The following RUVBL2 variants were observed in gnomAD, a reference collection of about 807,000 sequenced individuals.
RUVBL2 encodes the protein ruvB-like 2.
RUVBL2 carries 9 observed loss-of-function variants against 57.9 expected under a neutral mutation model. The ratio of observed to expected loss-of-function variants is 0.16; its 90% CI spans 0.09 to 0.27. RUVBL2 has a LOEUF of 0.27. Among genes scored for constraint, RUVBL2 ranks in the 10% least tolerant of loss-of-function variants. The probability of loss-of-function intolerance (pLI) is 1.00; values close to 1 mark genes in which losing one functional copy is unlikely to be tolerated. For synonymous variants in RUVBL2, 278 were observed against 264.6 expected (o/e 1.05, Z -0.49); for missense variants, 456 against 669.6 (o/e 0.68, Z 3.52).
At position 49,007,368 on chromosome 19, in the gene RUVBL2, GGTGAGTCTGT is replaced by G. The variant is rs746178104; in HGVS notation, c.462+11_462+20del. On this transcript the variant is annotated splice_donor_variant and splice_donor_5th_base_variant and intron_variant, in intron 6 of 14. Transcript: ENST00000595090. LOFTEE classifies it high-confidence loss of function. ...AGATTGATCGACCAGCAACAGGGACGGTGAGTCTGTGTGAGTCTGTACCCTGCTGAGGCCA... is the reference window on the plus strand; with the variant it reads ...AGATTGATCGACCAGCAACAGGGACGGTGAGTCTGTACCCTGCTGAGGCCA... 2 of 1,613,672 alleles carry G rather than the reference GGTGAGTCTGT, an allele frequency of 1.2e-6. No homozygotes were observed. The highest frequency in any genetic ancestry group is 1.1e-5 in the South Asian group (1 of 90,976).
downstream of RUVBL2, chr19:49,015,981 G>T: frequency 6.2e-7 from 1 of 1,614,230 alleles, no homozygotes; most frequent in Non-Finnish European, 8.5e-7. Flanking sequence ...CCTCCAGAGT[G>T]CGGATTGAGA....
In RUVBL2 at chr19:48,994,081, G is replaced by A; in HGVS notation, c.12+158G>A. The A allele has an allele frequency of 5.9e-6, 4 of 674,988 alleles. 1 individual carries two copies. The South Asian group carries it at 7.5e-5, about 13-fold the overall frequency. 41.8% of individuals were successfully genotyped at this position (674,988 alleles called of 1,614,324 possible). ...GGAGGAAGCTCGGCCACCCAGATCT[G>A]GGGGAGAAGGGGACATGGGGGCTGG... On this transcript the variant is annotated intron_variant, in intron 1 of 14. Transcript: ENST00000595090.
rs116157846 is a variant in RUVBL2 at position 49,007,255 on chromosome 19, G to A, written c.396-47G>A. 2.3e-3 allele frequency: 3,712 copies of A among 1,608,200 alleles called. 43 individuals carry two copies. The highest frequency in any genetic ancestry group is 0.021 in the African/African-American group (1,589 of 74,972). ...GAGCTCATGGAAGGTTGTGATTCCC[G>A]AGGGTCCAGGTGTCAGGCTGTCTCC... On this transcript the variant is annotated intron_variant, in intron 5 of 14. Coordinates refer to ENST00000595090, the MANE Select transcript of RUVBL2 (RefSeq NM_006666.3).
At chr19:49,009,713 G>A (rs1334356786) in intron 6 of RUVBL2, 63 bp from the exon 7 acceptor site, 6 of 1,390,608 alleles carry the variant, frequency 4.3e-6, no homozygotes, top group Non-Finnish European at 6.1e-6. Flanking sequence ...ATCAACACTG[G>A]GGGCACTGGG....
At chr19:49,004,663 C>G (rs561609187) in intron 4 of RUVBL2, among the ~76,000 whole-genome samples, 2 of 152,104 alleles carry the variant, frequency 1.3e-5, no homozygotes, top group African/African-American at 4.8e-5. Flanking sequence ...GTCAAGAGGA[C>G]GCCATGTTCC....
chr19:49,014,410 T>G (rs1013239540), intron 11 of RUVBL2, 74 bp from the exon 12 acceptor site: 4 of 1,542,764 alleles, frequency 2.6e-6, no homozygotes, highest in Non-Finnish European at 3.5e-6. Flanking sequence ...CGATGGGAGG[T>G]GAGAGTGTTC....
intron 11 of RUVBL2, among the ~76,000 whole-genome samples, chr19:49,013,838 C>CGGGAGGCGGAGGTTGCA (rs1316755807): frequency 2.0e-5 from 3 of 152,182 alleles, no homozygotes; most frequent in Non-Finnish European, 4.4e-5. Context: ...CGGTTGAACC[C>CGGGAGGCGGAGGTTGCA]GGGAGGCGGA....
Position 49,007,158 on chromosome 19 carries a change from G to T in RUVBL2, c.395+11G>T. 6.2e-7 allele frequency: 1 copy of T among 1,613,174 alleles called. No homozygotes were observed. The highest frequency in any genetic ancestry group is 8.5e-7 in the Non-Finnish European group (1 of 1,179,812). On this transcript the variant is annotated intron_variant, in intron 5 of 14. Transcript: ENST00000595090. The stretch of plus-strand genomic sequence containing the variant: ...CGGCGTTCGCATCAAGTAAGCGGGG[G>T]ACCCGAGGCGGGTGCCAGACCCCAG...
chr19:49,004,484 G>A, intron 4 of RUVBL2, 66 bp downstream of exon 4: 1 of 1,501,844 alleles, frequency 6.7e-7, no homozygotes, highest in Non-Finnish European at 9.0e-7. Flanking sequence ...GTGTAAGTCA[G>A]GGTCAGGATG....
At position 49,004,291 on chromosome 19, in the gene RUVBL2, G is replaced by C; in HGVS notation, c.138G>C (p.Met46Ile). 1 of 1,612,394 alleles carries C rather than the reference G, an allele frequency of 6.2e-7. No homozygotes were observed. The highest frequency in any genetic ancestry group is 1.1e-5 in the South Asian group (1 of 91,030). ...ALEPRQASQG[M>I]VGQLAARRAA... is the part of the protein sequence containing the mutation. Reference sequence around the variant, plus strand: ...CCCACCCACAGGCTTCGCAAGGCATGGTGGGTCAGCTGGCGGCACGGCGGG... The same window carrying C: ...CCCACCCACAGGCTTCGCAAGGCATCGTGGGTCAGCTGGCGGCACGGCGGG... Residue 46 changes from methionine to isoleucine, a missense_variant, in exon 4 of 15, where the codon ATG (methionine) becomes ATC (isoleucine). Physicochemically the swap from Met to Ile is conservative, Grantham distance 10. This residue lies in a region of RUVBL2 where 233 missense variants were observed against 306.0 expected (regional missense o/e 0.76). Transcript: ENST00000595090.
At position 49,007,716 on chromosome 19, in the gene RUVBL2, T is replaced by TG. The variant is rs2039310025; in HGVS notation, c.462+349dup. Among the ~76,000 whole-genome samples, 3 of 152,150 alleles carry TG rather than the reference T, an allele frequency of 2.0e-5. No homozygotes were observed. In the South Asian group the frequency reaches 6.2e-4, roughly 32 times the overall value. ...GGTGATTTGCTCTCTCTTTTTTTTT[T>TG]GTTTTCGAGACAGAGTCTCCCTCTG... On this transcript the variant is annotated intron_variant, in intron 6 of 14. Coordinates refer to ENST00000595090, the MANE Select transcript of RUVBL2 (RefSeq NM_006666.3).
Position 49,011,338 on chromosome 19 carries a change from A to C in RUVBL2, c.1001+28A>C. On this transcript the variant is annotated intron_variant, in intron 11 of 14. Coordinates refer to ENST00000595090, the MANE Select transcript of RUVBL2 (RefSeq NM_006666.3). The surrounding 1 kb of genome is among the most constrained non-coding windows in gnomAD (Gnocchi z 4.4). ...GAGCCGGCTACAGGGGCCTCTGGGG[A>C]AAACAGGATGCTCTGGGCAGTGGGT... is the stretch of plus-strand genomic sequence containing the variant. The C allele has an allele frequency of 6.4e-7, 1 of 1,573,642 alleles. No individual in the cohort carries two copies. Among genetic ancestry groups the C allele is most frequent in the East Asian group, 2.2e-5 (1 of 44,716 alleles).
chr19:49,001,889 C>T (rs1600174695), intron 2 of RUVBL2, among the ~76,000 whole-genome samples: 1 of 152,252 alleles, frequency 6.6e-6, no homozygotes, highest in East Asian at 1.9e-4. Flanking sequence ...GGATTACAGG[C>T]GTGAGCCACC....
intron 6 of RUVBL2, among the ~76,000 whole-genome samples, chr19:49,008,150 C>T (rs967273461): frequency 6.6e-6 from 1 of 150,478 alleles, no homozygotes; most frequent in Non-Finnish European, 1.5e-5. Flanking sequence ...GGCAATTTTG[C>T]GAGACCTCGG....
intron 6 of RUVBL2, among the ~76,000 whole-genome samples, chr19:49,009,160 CAAAAAAAAAAAAAAAAAAAAAAAAA>C (rs61402282): frequency 9.3e-5 from 2 of 21,422 alleles, no homozygotes; most frequent in African/African-American, 4.3e-4. Context: ...GACTCTATCT[CAAAAAAAAAAAAAAAAAAAAAAAAA>C]AAAAAAAAAA....
At chr19:49,004,493 T>C in intron 4 of RUVBL2, 75 bp downstream of exon 4, 1 of 1,448,406 alleles carries the variant, frequency 6.9e-7, no homozygotes, top group East Asian at 2.3e-5. Flanking sequence ...AGGGTCAGGA[T>C]GAGCCGCCTT....
intron 4 of RUVBL2, among the ~76,000 whole-genome samples, chr19:49,005,981 T>C (rs927320289): frequency 2.0e-5 from 3 of 152,244 alleles, no homozygotes; most frequent in African/African-American, 7.2e-5. Context: ...GCCTTTCCTC[T>C]TCTTGTGTCT....
intron 4 of RUVBL2, among the ~76,000 whole-genome samples, chr19:49,004,972 TAA>T (rs960387496): frequency 1.4e-5 from 2 of 140,040 alleles, no homozygotes; most frequent in African/African-American, 5.2e-5. Flanking sequence ...AATAAAAAAT[TAA>T]AAAAAAAAAA....
chr19:49,003,276 T>C lies in RUVBL2; in HGVS notation c.68-3T>C. On this transcript the variant is annotated splice_polypyrimidine_tract_variant and splice_region_variant and intron_variant, in intron 2 of 14. Transcript: ENST00000595090. ...TGAGTCTTTGTTCTTTCCCTTCATG[T>C]AGGTGCCCACTCCCACATCCGGGGA... The C allele has an allele frequency of 6.2e-7, 1 of 1,612,858 alleles. No homozygotes were observed. Among genetic ancestry groups the C allele is most frequent in the Non-Finnish European group, 8.5e-7 (1 of 1,179,244 alleles).
Sources: allele counts gnomAD v4.1 joint callset (sites outside exome capture counted in the v4.1 genomes callset), GRCh38; gene constraint gnomAD v4.1.1; regional missense constraint gnomAD v4.1.1; non-coding constraint Gnocchi (gnomAD v3.1); transcripts MANE v1.5; gene names NCBI Gene and HGNC (gene_info 2026-07-23, HGNC 2026-07-21).